The following KIF21B variants were observed in gnomAD, a reference collection of about 807,000 sequenced individuals.
The protein encoded by KIF21B is kinesin-like protein KIF21B.
KIF21B carries 85 observed loss-of-function variants against 192.9 expected under a neutral mutation model. That is an observed-to-expected ratio of 0.44 (90% CI 0.37 to 0.53). The LOEUF is 0.53. Ranked by LOEUF, KIF21B falls within the 20% of genes least tolerant of loss-of-function variation. The probability of loss-of-function intolerance (pLI) is 0.00; values close to 1 mark genes in which losing one functional copy is unlikely to be tolerated. For missense variants in KIF21B, 1,716 were observed against 2,194.8 expected, an observed-to-expected ratio of 0.78 and a Z score of 4.36; for synonymous variants, 832 against 884.6, an observed-to-expected ratio of 0.94 and a Z score of 1.05.
At chr1:200,991,596 C>G (rs1377612906) in intron 17 of KIF21B, 61 bp downstream of exon 17, 1 of 1,521,532 alleles carries the variant, frequency 6.6e-7, no homozygotes, top group Non-Finnish European at 9.1e-7. Flanking sequence ...AAGCAATGCA[C>G]ACATGCACGC....
In KIF21B at chr1:200,998,871, G is replaced by A. The variant is rs1356126987; in HGVS notation, c.1886-296C>T. ...ACCTGTTCCAGATGACATGGGACCA[G>A]CTTCAGTGGAGGAGGGTGAGATGGC... On this transcript the variant is annotated intron_variant, in intron 13 of 34. Coordinates refer to ENST00000461742, the MANE Select transcript of KIF21B (RefSeq NM_001252102.2). This position sits in a 1 kb window ranked among gnomAD's most constrained non-coding sequence, Gnocchi z 4.3. 1.3e-5 allele frequency among the ~76,000 whole-genome samples: 2 copies of A among 152,196 alleles called. No homozygotes were observed. Among genetic ancestry groups the A allele is most frequent in the African/African-American group, 4.8e-5 (2 of 41,452 alleles).
chr1:200,994,172 A>G (rs1656896015), intron 15 of KIF21B, among the ~76,000 whole-genome samples: 2 of 152,218 alleles, frequency 1.3e-5, no homozygotes, highest in South Asian at 4.1e-4. Flanking sequence ...AGGTCTCAGA[A>G]CAGGTGAGCA....
chr1:201,019,571 T>C (rs1253447330), intron 1 of KIF21B, among the ~76,000 whole-genome samples: 1 of 152,018 alleles, frequency 6.6e-6, no homozygotes, highest in Non-Finnish European at 1.5e-5. Context: ...TCACCTCCAC[T>C]TGGAGGTTTT....
chr1:201,023,334 G>A lies in KIF21B; in HGVS notation c.41+9C>T. On this transcript the variant is annotated intron_variant, in intron 1 of 34. Coordinates refer to ENST00000461742, the MANE Select transcript of KIF21B (RefSeq NM_001252102.2). The surrounding 1 kb of genome is among the most constrained non-coding windows in gnomAD (Gnocchi z 5.9). ...TCCGCGCGCCCCCTTCCCCGCCCCG[G>A]GTCCCTACCTGACGGCCACCTTGAC... 1.3e-6 allele frequency: 2 copies of A among 1,528,326 alleles called. No individual in the cohort carries two copies. The highest frequency in any genetic ancestry group is 1.8e-6 in the Non-Finnish European group (2 of 1,139,888). 94.7% of individuals were successfully genotyped at this position (1,528,326 alleles called of 1,614,324 possible). A position where few individuals can be genotyped will look rare whatever the true frequency, so the allele number is the denominator to read the frequency against.
At chr1:200,997,633 C>T (rs1462096505) in intron 14 of KIF21B, among the ~76,000 whole-genome samples, 3 of 152,174 alleles carry the variant, frequency 2.0e-5, no homozygotes, top group African/African-American at 4.8e-5. Context: ...GTCCCAGCTA[C>T]TCAGGAGGCT....
chr1:200,997,966 ATG>A (rs1208158419), intron 14 of KIF21B, among the ~76,000 whole-genome samples: 1 of 152,168 alleles, frequency 6.6e-6, no homozygotes, highest in Non-Finnish European at 1.5e-5. Context: ...CATATTCAAC[ATG>A]TGTTTGCTGA....
chr1:201,010,945 G>A (rs976457194), intron 1 of KIF21B, among the ~76,000 whole-genome samples: 3 of 152,364 alleles, frequency 2.0e-5, no homozygotes, highest in African/African-American at 4.8e-5. Context: ...GCAACACCAG[G>A]CTCAGTTCCT....
chr1:201,023,244 G>C lies in KIF21B; in HGVS notation c.41+99C>G, dbSNP rs1401424863. ...GCCGGCCCCTCCTCCGGGAGTGCAG[G>C]CTCCAGCCCAAGCGGTGCTCGCGCC... On this transcript the variant is annotated intron_variant, in intron 1 of 34. Transcript: ENST00000461742. The surrounding 1 kb of genome is among the most constrained non-coding windows in gnomAD (Gnocchi z 5.9). 1.9e-6 allele frequency: 2 copies of C among 1,057,062 alleles called. No homozygotes were observed. The highest frequency in any genetic ancestry group is 2.6e-6 in the Non-Finnish European group (2 of 771,706). The allele number at this position is 1,057,062 out of a possible 1,614,324, so 65.5% of individuals were successfully genotyped here. A position where few individuals can be genotyped will look rare whatever the true frequency, so the allele number is the denominator to read the frequency against.
chr1:200,999,490 T>G lies in KIF21B; in HGVS notation c.1768-24A>C. The G allele has an allele frequency of 6.2e-7, 1 of 1,610,338 alleles. No homozygotes were observed. The highest frequency in any genetic ancestry group is 8.5e-7 in the Non-Finnish European group (1 of 1,177,856). On this transcript the variant is annotated intron_variant, in intron 12 of 34. Transcript: ENST00000461742. This position sits in a 1 kb window ranked among gnomAD's most constrained non-coding sequence, Gnocchi z 4.7. ...TCCTGGGCACCAGGCACCATTGGGG[T>G]GGGCCTGGCCTCAGAGAGGGGAGCC...
At position 200,999,731 on chromosome 1, in the gene KIF21B, CCAGT is replaced by C. The variant is rs544784067; in HGVS notation, c.1767+148_1767+151del. On this transcript the variant is annotated intron_variant, in intron 12 of 34. Transcript: ENST00000461742. This position sits in a 1 kb window ranked among gnomAD's most constrained non-coding sequence, Gnocchi z 4.7. ...TAGGGGATGGAGATCACCATGGTAA[CCAGT>C]CAGAGATATAAGGAAGTACAAGGAT... 1 of 878,924 alleles carries C rather than the reference CCAGT, an allele frequency of 1.1e-6. No homozygotes were observed. The highest frequency in any genetic ancestry group is 1.5e-5 in the South Asian group (1 of 67,586). 54.4% of individuals were successfully genotyped at this position (878,924 alleles called of 1,614,324 possible). A position where few individuals can be genotyped will look rare whatever the true frequency, so the allele number is the denominator to read the frequency against.
At chr1:200,983,772 C>A (rs1478418026) in intron 27 of KIF21B, among the ~76,000 whole-genome samples, 2 of 152,184 alleles carry the variant, frequency 1.3e-5, no homozygotes, top group East Asian at 3.9e-4. Flanking sequence ...AGGAGTGATC[C>A]ATGGCTCCCC....
intron 2 of KIF21B, 137 bp downstream of exon 2, chr1:201,009,129 C>G: frequency 9.1e-7 from 1 of 1,097,686 alleles, no homozygotes; most frequent in Non-Finnish European, 1.3e-6. Context: ...TGCTAACCAG[C>G]GGTGCAACGG....
chr1:201,002,081 C>G (rs1657527969), intron 9 of KIF21B, 80 bp downstream of exon 9: 1 of 1,300,842 alleles, frequency 7.7e-7, no homozygotes, highest in African/African-American at 1.5e-5. Flanking sequence ...CTTAGTCCAC[C>G]TGATACTCTG....
rs1655575458 is a variant in KIF21B at position 200,976,769 on chromosome 1, G to A, written c.4443+7C>T. ...CAGCCCCGACCCAGGCCTCATAGCT[G>A]AGGTACCTTAACGTAGTGGTCCTTG... is the stretch of plus-strand genomic sequence containing the variant. On this transcript the variant is annotated splice_region_variant and intron_variant, in intron 32 of 34. Coordinates refer to ENST00000461742, the MANE Select transcript of KIF21B (RefSeq NM_001252102.2). 1.9e-6 allele frequency: 3 copies of A among 1,591,540 alleles called. No individual in the cohort carries two copies. The highest frequency in any genetic ancestry group is 2.6e-6 in the Non-Finnish European group (3 of 1,161,096).
In KIF21B at chr1:200,990,049, A is replaced by C; in HGVS notation, c.3031-6T>G. The C allele has an allele frequency of 6.2e-7, 1 of 1,613,404 alleles. No individual in the cohort carries two copies. The highest frequency in any genetic ancestry group is 8.5e-7 in the Non-Finnish European group (1 of 1,179,644). ...TCTGTGGAGTCCAGCTCCTCCTAGG[A>C]CCGGGAGGCAGAGAGCCCCGTCACC... is the stretch of plus-strand genomic sequence containing the variant. On this transcript the variant is annotated splice_region_variant and splice_polypyrimidine_tract_variant and intron_variant, in intron 20 of 34. Coordinates refer to ENST00000461742, the MANE Select transcript of KIF21B (RefSeq NM_001252102.2). This position sits in a 1 kb window ranked among gnomAD's most constrained non-coding sequence, Gnocchi z 5.4.
chr1:200,994,661 G>A (rs1421707953), intron 15 of KIF21B, among the ~76,000 whole-genome samples: 1 of 152,230 alleles, frequency 6.6e-6, no homozygotes, highest in Non-Finnish European at 1.5e-5. Context: ...AGGCTCTCCA[G>A]GGCCTCCGCA....
rs1243309360 is a variant in KIF21B at position 200,972,226 on chromosome 1, A to C, written c.*1295T>G. ...AACTCTGCCAACTCCCTCTTCCTTG[A>C]TAATTTTCTGCAAGGGAGGGCCTGC... On this transcript the variant is annotated 3_prime_UTR_variant, in exon 35 of 35. Coordinates refer to ENST00000461742, the MANE Select transcript of KIF21B (RefSeq NM_001252102.2). The C allele has an allele frequency of 6.6e-6, 1 of 152,336 alleles. No individual in the cohort carries two copies. The highest frequency in any genetic ancestry group is 1.5e-5 in the Non-Finnish European group (1 of 68,028). 9.4% of individuals were successfully genotyped at this position (152,336 alleles called of 1,614,324 possible). A position where few individuals can be genotyped will look rare whatever the true frequency, so the allele number is the denominator to read the frequency against.
intron 3 of KIF21B, among the ~76,000 whole-genome samples, chr1:201,006,921 GAC>G (rs1419702518): frequency 2.9e-5 from 3 of 104,840 alleles, no homozygotes; most frequent in South Asian, 6.0e-4. Context: ...GACACACACA[GAC>G]ACACACACAC....
At position 201,007,041 on chromosome 1, in the gene KIF21B, GACACATAGACACACAC is replaced by G. The variant is rs1196841513; in HGVS notation, c.448-1363_448-1348del. Among the ~76,000 whole-genome samples, 376 of 92,176 alleles carry G rather than the reference GACACATAGACACACAC, an allele frequency of 4.1e-3. 8 individuals carry two copies. Among genetic ancestry groups the G allele is most frequent in the African/African-American group, 0.014 (323 of 22,496 alleles). 60.5% of individuals were successfully genotyped at this position (92,176 alleles called of 152,430 possible). Reference sequence around the variant, plus strand: ...AGACACACACACACACAGACACAGAGACACATAGACACACACACACACAGACACACACAGACACACA... The same window carrying G: ...AGACACACACACACACAGACACAGAGACACACAGACACACACAGACACACA... On this transcript the variant is annotated intron_variant, in intron 3 of 34. Transcript: ENST00000461742.
Sources: gnomAD v4.1 joint callset for allele counts (sites outside exome capture counted in the v4.1 genomes callset) on GRCh38, gnomAD v4.1.1 for gene constraint, Gnocchi (gnomAD v3.1) non-coding constraint, MANE v1.5 for transcripts, NCBI Gene and HGNC (gene_info 2026-07-23, HGNC 2026-07-21) for gene names.